The following COL7A1 variants were observed in gnomAD, a reference collection of about 807,000 sequenced individuals.
COL7A1 encodes the protein collagen alpha-1(VII) chain.
Under a neutral mutation model 456.2 loss-of-function variants are expected in COL7A1, and 296 were observed. The observed-to-expected ratio is 0.65, with a 90% CI of 0.59 to 0.71. COL7A1 has a LOEUF of 0.71. COL7A1 is among the 30% of genes least tolerant of loss of function. The pLI, the probability that COL7A1 is intolerant of heterozygous loss-of-function variation, is 0.00. For missense variants in COL7A1, 3,441 were observed against 4,017.2 expected (o/e 0.86, Z 3.88); for synonymous variants, 1,464 against 1,525.9 (o/e 0.96, Z 0.95).
In COL7A1 at chr3:48,572,192, G is replaced by A; in HGVS notation, c.6979-21C>T. On this transcript the variant is annotated intron_variant, in intron 90 of 118. Coordinates refer to ENST00000681320, the MANE Select transcript of COL7A1 (RefSeq NM_000094.4). This position sits in a 1 kb window ranked among gnomAD's most constrained non-coding sequence, Gnocchi z 4.6. Reference sequence around the variant, plus strand: ...GCTCCCTGTTGACAGAGGTCAGGAGGCAACACAGGCATCAGTCACAGAAAG... The same window carrying A: ...GCTCCCTGTTGACAGAGGTCAGGAGACAACACAGGCATCAGTCACAGAAAG... The A allele has an allele frequency of 1.9e-6, 3 of 1,614,052 alleles. No individual in the cohort carries two copies. The highest frequency in any genetic ancestry group is 2.5e-6 in the Non-Finnish European group (3 of 1,180,002).
rs1033498675 is a variant in COL7A1 at position 48,592,626 on chromosome 3, A to G, written c.920T>C (p.Val307Ala). 6.2e-7 allele frequency: 1 copy of G among 1,613,938 alleles called. No individual in the cohort carries two copies. The highest frequency in any genetic ancestry group is 8.5e-7 in the Non-Finnish European group (1 of 1,180,000). Residue 307 changes from valine (V) to alanine (A), a missense_variant, in exon 8 of 119, where the codon GTG (valine) becomes GCG (alanine). Physicochemically the swap from Val to Ala is moderately conservative, Grantham distance 64. Transcript: ENST00000681320. The surrounding 1 kb of genome is among the most constrained non-coding windows in gnomAD (Gnocchi z 7.6). ...LRPLTEYQVTVIALYANSIGE... is the reference protein window; with the variant it reads ...LRPLTEYQVTAIALYANSIGE... ...GATGCTGTTGGCGTAGAGGGCAATC[A>G]CAGTCACTTGGTACTCGGTCAGTGG...
Position 48,566,229 on chromosome 3 carries a change from G to A in COL7A1, c.8407+38C>T. On this transcript the variant is annotated intron_variant, in intron 114 of 118. Coordinates refer to ENST00000681320, the MANE Select transcript of COL7A1 (RefSeq NM_000094.4). This position sits in a 1 kb window ranked among gnomAD's most constrained non-coding sequence, Gnocchi z 5.9. Reference sequence around the variant, plus strand: ...CCTGCCTGCCCTTGCCTAGGGTGCTGGGGTGGAGTGGGAGACTGCGGGCTG... The same window carrying A: ...CCTGCCTGCCCTTGCCTAGGGTGCTAGGGTGGAGTGGGAGACTGCGGGCTG... The A allele has an allele frequency of 6.3e-7, 1 of 1,582,436 alleles. No individual in the cohort carries two copies. The highest frequency in any genetic ancestry group is 1.2e-5 in the South Asian group (1 of 86,426).
At position 48,568,104 on chromosome 3, in the gene COL7A1, G is replaced by T. The variant is rs1180406154; in HGVS notation, c.7861C>A (p.Pro2621Thr). Residue 2621 changes from proline (P) to threonine (T), a missense_variant, in exon 106 of 119, where the codon CCC (proline) becomes ACC (threonine). Pro to Thr is a conservative substitution (Grantham distance 38). Around this residue, in one of 3 missense-constraint regions of COL7A1, gnomAD observed 2,084 missense variants for 2,501.3 expected, o/e 0.83. Coordinates refer to ENST00000681320, the MANE Select transcript of COL7A1 (RefSeq NM_000094.4). This position sits in a 1 kb window ranked among gnomAD's most constrained non-coding sequence, Gnocchi z 5.2. Reference sequence around the variant, plus strand: ...TTCTTTCCTACCTTGAGGCCCCGGGGACCCATGAAGCCAACATCTCCTTTT... The same window carrying T: ...TTCTTTCCTACCTTGAGGCCCCGGGTACCCATGAAGCCAACATCTCCTTTT... The part of the protein sequence containing the change: ...GEKGDVGFMG[P>T]RGLKGERGVK... The T allele has an allele frequency of 1.9e-6, 3 of 1,614,048 alleles. No homozygotes were observed. In the Admixed American group the frequency reaches 5.0e-5, roughly 27 times the overall value.
Position 48,585,251 on chromosome 3 carries a change from G to A in COL7A1, c.3895-135C>T. On this transcript the variant is annotated intron_variant, in intron 32 of 118. Transcript: ENST00000681320. The surrounding 1 kb of genome is among the most constrained non-coding windows in gnomAD (Gnocchi z 4.5). ...AGTGTTATTGGGGGTGGAACAGTGA[G>A]GCAGAGAAATGGCCCCTCAGAGCTT... 1 of 907,682 alleles carries A rather than the reference G, an allele frequency of 1.1e-6. No homozygotes were observed. 56.2% of individuals were successfully genotyped at this position (907,682 alleles called of 1,614,324 possible). A position where few individuals can be genotyped will look rare whatever the true frequency, so the allele number is the denominator to read the frequency against.
In COL7A1 at chr3:48,572,682, C is replaced by A; in HGVS notation, c.6889G>T (p.Ala2297Ser). 6.2e-7 allele frequency: 1 copy of A among 1,604,920 alleles called. No individual in the cohort carries two copies. The highest frequency in any genetic ancestry group is 8.5e-7 in the Non-Finnish European group (1 of 1,175,822). The change falls in exon 88 of 119, where the codon GCC becomes TCC. Residue 2297 changes from alanine to serine, a missense_variant. Around this residue, in one of 3 missense-constraint regions of COL7A1, gnomAD observed 2,084 missense variants for 2,501.3 expected, o/e 0.83. Transcript: ENST00000681320. The surrounding 1 kb of genome is among the most constrained non-coding windows in gnomAD (Gnocchi z 4.6). Reference protein sequence around the residue: ...GPKGEPGPTGAPGQAVVGLPG... With the variant: ...GPKGEPGPTGSPGQAVVGLPG... ...GGGTCAAAGATCACCTGTCCAGGGGCCCCCGTGGGGCCAGGTTCTCCTTTA... is the reference window on the plus strand; with the variant it reads ...GGGTCAAAGATCACCTGTCCAGGGGACCCCGTGGGGCCAGGTTCTCCTTTA...
In COL7A1 at chr3:48,590,803, G is replaced by A. The variant is rs1211819315; in HGVS notation, c.1650C>T (p.Thr550=). The part of the protein sequence containing the change: ...IVRSTQGVER[T]LVLPGSQTAF... ...CTGTCTGACTCCCAGGAAGCACCAGGGTCCGCTCAACCCCTAAGAGAGAAG... is the reference window on the plus strand; with the variant it reads ...CTGTCTGACTCCCAGGAAGCACCAGAGTCCGCTCAACCCCTAAGAGAGAAG... Residue 550 remains threonine (T), a synonymous_variant, in exon 14 of 119, where the codon ACC becomes ACT. Transcript: ENST00000681320. This position sits in a 1 kb window ranked among gnomAD's most constrained non-coding sequence, Gnocchi z 4.6. 1 of 1,613,592 alleles carries A rather than the reference G, an allele frequency of 6.2e-7. No homozygotes were observed. The highest frequency in any genetic ancestry group is 2.2e-5 in the East Asian group (1 of 44,884).
chr3:48,589,958 G>A (rs1238416936), intron 16 of COL7A1, among the ~76,000 whole-genome samples: 3 of 152,050 alleles, frequency 2.0e-5, no homozygotes, highest in African/African-American at 7.3e-5. Flanking sequence ...GGGGGTCTGA[G>A]GGTTGAAGTG....
At position 48,586,422 on chromosome 3, in the gene COL7A1, G is replaced by A. The variant is rs753090174; in HGVS notation, c.3460C>T (p.Arg1154Cys). The change falls in exon 27 of 119, where the codon CGC becomes TGC. Residue 1154 changes from arginine (R) to cysteine (C), a missense_variant. Transcript: ENST00000681320. This position sits in a 1 kb window ranked among gnomAD's most constrained non-coding sequence, Gnocchi z 5.1. The part of the protein sequence containing the change: ...YMLAPDAPGR[R>C]QHVPGVMVLL... ...ACCATCACCCCTGGTACGTGCTGGCGGCGCCCAGGAGCATCTGGTGCCAAC... is the reference window on the plus strand; with the variant it reads ...ACCATCACCCCTGGTACGTGCTGGCAGCGCCCAGGAGCATCTGGTGCCAAC... 33 of 1,613,750 alleles carry A rather than the reference G, an allele frequency of 2.0e-5. No individual in the cohort carries two copies. The highest frequency in any genetic ancestry group is 4.4e-5 in the South Asian group (4 of 91,090).
Position 48,581,648 on chromosome 3 carries a change from TAAG to T in COL7A1, c.4723-19_4723-17del, listed in dbSNP as rs2044766114. Reference sequence around the variant, plus strand: ...CGGGTGGGCCCTGTGGATGGAAGGATAAGAAGTCAGGAAGACAACCTTCACCAA... The same window carrying T: ...CGGGTGGGCCCTGTGGATGGAAGGATAAGTCAGGAAGACAACCTTCACCAA... On this transcript the variant is annotated splice_polypyrimidine_tract_variant and intron_variant, in intron 49 of 118. Transcript: ENST00000681320. This position sits in a 1 kb window ranked among gnomAD's most constrained non-coding sequence, Gnocchi z 5.8. The T allele has an allele frequency of 1.2e-6, 2 of 1,614,008 alleles. No individual in the cohort carries two copies. Among genetic ancestry groups the T allele is most frequent in the Middle Eastern group, 1.6e-4 (1 of 6,084 alleles).
In COL7A1 at chr3:48,587,921, CG is replaced by C; in HGVS notation, c.2728del (p.Arg910GlyfsTer23). 2 of 1,598,550 alleles carry C rather than the reference CG, an allele frequency of 1.3e-6. No individual in the cohort carries two copies. The highest frequency in any genetic ancestry group is 1.7e-6 in the Non-Finnish European group (2 of 1,173,128). ...GCTGCTGAGCTCGGGCCCCAGGACC[CG>C]GGACTGTTCCTGGCCACCTGGGGCA... Reference protein sequence around the residue: ...WQPEGGQEQSRVLGPELSSYH... With the variant: ...WQPEGGQEQSXVLGPELSSYH... On this transcript the variant is annotated frameshift_variant, in exon 22 of 119. Coordinates refer to ENST00000681320, the MANE Select transcript of COL7A1 (RefSeq NM_000094.4). LOFTEE classifies it high-confidence loss of function. This position sits in a 1 kb window ranked among gnomAD's most constrained non-coding sequence, Gnocchi z 6.1.
rs138330564 is a variant in COL7A1 at position 48,591,752 on chromosome 3, C to T, written c.1428G>A (p.Pro476=). Residue 476 remains proline, a synonymous_variant, in exon 12 of 119, where the codon CCG becomes CCA. Coordinates refer to ENST00000681320, the MANE Select transcript of COL7A1 (RefSeq NM_000094.4). This position sits in a 1 kb window ranked among gnomAD's most constrained non-coding sequence, Gnocchi z 7.0. ...AGAGTGTGAGGCGGTACTCAGTGCCCGGCTGCAGCCCATCCAACTGGTAGC... is the reference window on the plus strand; with the variant it reads ...AGAGTGTGAGGCGGTACTCAGTGCCTGGCTGCAGCCCATCCAACTGGTAGC... The part of the protein sequence containing the change: ...VTRYQLDGLQ[P]GTEYRLTLYT... 51 of 1,614,112 alleles carry T rather than the reference C, an allele frequency of 3.2e-5. No individual in the cohort carries two copies. Among genetic ancestry groups the T allele is most frequent in the African/African-American group, 1.9e-4 (14 of 75,034 alleles).
Position 48,567,360 on chromosome 3 carries a change from G to A in COL7A1, c.8047-170C>T, listed in dbSNP as rs1299364970. The A allele has an allele frequency of 1.2e-5, 11 of 955,030 alleles. No individual in the cohort carries two copies. The highest frequency in any genetic ancestry group is 1.8e-5 in the Non-Finnish European group (11 of 618,458). 59.2% of individuals were successfully genotyped at this position (955,030 alleles called of 1,614,324 possible). ...GACTCCAACTCCACTATAGCCCCCT[G>A]CCCTGATGCACATGCCCCCTCCACC... On this transcript the variant is annotated intron_variant, in intron 109 of 118. Coordinates refer to ENST00000681320, the MANE Select transcript of COL7A1 (RefSeq NM_000094.4). The surrounding 1 kb of genome is among the most constrained non-coding windows in gnomAD (Gnocchi z 4.3).
rs1315006126 is a variant in COL7A1, at chr3:48,587,167, C to A, written c.3139+23G>T. 6.2e-7 allele frequency: 1 copy of A among 1,613,584 alleles called. No homozygotes were observed. The highest frequency in any genetic ancestry group is 8.5e-7 in the Non-Finnish European group (1 of 1,179,936). The stretch of plus-strand genomic sequence containing the variant: ...AGCCCACCCAGACACACCTTTCTGC[C>A]CTTCCCACTACGCCCACTATACCTG... On this transcript the variant is annotated intron_variant, in intron 24 of 118. Coordinates refer to ENST00000681320, the MANE Select transcript of COL7A1 (RefSeq NM_000094.4). The surrounding 1 kb of genome is among the most constrained non-coding windows in gnomAD (Gnocchi z 6.1).
rs1385203339 is a variant in COL7A1 at position 48,574,074 on chromosome 3, CA to C, written c.6502-185del. 6.6e-6 allele frequency among the ~76,000 whole-genome samples: 1 copy of C among 152,006 alleles called. No homozygotes were observed. The highest frequency in any genetic ancestry group is 2.4e-5 in the African/African-American group (1 of 41,354). ...GGGCCTGCACACACACATCCACATA[CA>C]ACCACACACAGACACAGGCACACAC... On this transcript the variant is annotated intron_variant, in intron 80 of 118. Coordinates refer to ENST00000681320, the MANE Select transcript of COL7A1 (RefSeq NM_000094.4). The surrounding 1 kb of genome is among the most constrained non-coding windows in gnomAD (Gnocchi z 5.0).
chr3:48,578,493 T>C lies in COL7A1; in HGVS notation c.5447A>G (p.Glu1816Gly). The change falls in exon 64 of 119, where the codon GAA (glutamate) becomes GGA (glycine). Residue 1816 changes from glutamate (E) to glycine (G), a missense_variant. Physicochemically the swap from Glu to Gly is moderately conservative, Grantham distance 98. Coordinates refer to ENST00000681320, the MANE Select transcript of COL7A1 (RefSeq NM_000094.4). This position sits in a 1 kb window ranked among gnomAD's most constrained non-coding sequence, Gnocchi z 4.7. The part of the protein sequence containing the change: ...GRDGLPGLRG[E>G]QGLPGPSGPP... ...ACCAGAGGGGCCAGGGAGGCCCTGT[T>C]CTCCACGGAGGCCTGGAAGCCCCTG... The C allele has an allele frequency of 6.2e-7, 1 of 1,612,574 alleles. No individual in the cohort carries two copies. The highest frequency in any genetic ancestry group is 8.5e-7 in the Non-Finnish European group (1 of 1,179,960).
In COL7A1 at chr3:48,571,802, C is replaced by T. The variant is rs896564814; in HGVS notation, c.7068+199G>A. On this transcript the variant is annotated intron_variant, in intron 92 of 118. Coordinates refer to ENST00000681320, the MANE Select transcript of COL7A1 (RefSeq NM_000094.4). This position sits in a 1 kb window ranked among gnomAD's most constrained non-coding sequence, Gnocchi z 4.6. ...AGACCAAGGATGGGCACACAGAAGC[C>T]AAGACAGGGCCCCCAGAGCTCAGAG... 6 of 684,538 alleles carry T rather than the reference C, an allele frequency of 8.8e-6. No individual in the cohort carries two copies. The highest frequency in any genetic ancestry group is 1.8e-5 in the African/African-American group (1 of 55,860). The allele number at this position is 684,538 out of a possible 1,614,324, so 42.4% of individuals were successfully genotyped here. A position where few individuals can be genotyped will look rare whatever the true frequency, so the allele number is the denominator to read the frequency against.
rs757882779 is a variant in COL7A1, at chr3:48,575,593, C to A, written c.5979+33G>T. On this transcript the variant is annotated intron_variant, in intron 73 of 118. Transcript: ENST00000681320. The surrounding 1 kb of genome is among the most constrained non-coding windows in gnomAD (Gnocchi z 6.3). ...GGCTGTACAGCTACACCCCACTCCA[C>A]GGGGCACAACCCACTGAGCCACTTC... 17 of 1,612,614 alleles carry A rather than the reference C, an allele frequency of 1.1e-5. No individual in the cohort carries two copies. Among genetic ancestry groups the A allele is most frequent in the Non-Finnish European group, 1.4e-5 (17 of 1,180,004 alleles).
chr3:48,587,719 C>T lies in COL7A1; in HGVS notation c.2857+74G>A, dbSNP rs2045374833. The T allele has an allele frequency of 6.2e-7, 1 of 1,610,748 alleles. No individual in the cohort carries two copies. Among genetic ancestry groups the T allele is most frequent in the African/African-American group, 1.3e-5 (1 of 74,836 alleles). The stretch of plus-strand genomic sequence containing the variant: ...AGGGGTAGGGGTACAGGAGGAGTCA[C>T]TCAGAGTCGGGGTGCAGGAAGTCAG... On this transcript the variant is annotated intron_variant, in intron 22 of 118. Coordinates refer to ENST00000681320, the MANE Select transcript of COL7A1 (RefSeq NM_000094.4). The surrounding 1 kb of genome is among the most constrained non-coding windows in gnomAD (Gnocchi z 6.1).
rs552129703 is a variant in COL7A1, at chr3:48,583,670, G to C, written c.4341+48C>G. 6.2e-7 allele frequency: 1 copy of C among 1,612,542 alleles called. No individual in the cohort carries two copies. Among genetic ancestry groups the C allele is most frequent in the Non-Finnish European group, 8.5e-7 (1 of 1,178,818 alleles). ...CGAAGGGAGGCCCTGCCCCCAGCAC[G>C]CAGCCTCCCACCCCAGAACTGGGAC... On this transcript the variant is annotated intron_variant, in intron 40 of 118. Coordinates refer to ENST00000681320, the MANE Select transcript of COL7A1 (RefSeq NM_000094.4). This position sits in a 1 kb window ranked among gnomAD's most constrained non-coding sequence, Gnocchi z 5.1.
Sources: gnomAD v4.1 joint callset for allele counts (sites outside exome capture counted in the v4.1 genomes callset) on GRCh38, gnomAD v4.1.1 for gene constraint, gnomAD v4.1.1 regional missense constraint, Gnocchi (gnomAD v3.1) non-coding constraint, MANE v1.5 for transcripts, NCBI Gene and HGNC (gene_info 2026-07-23, HGNC 2026-07-21) for gene names.